The following ANKRD30B variants were observed in gnomAD, a reference collection of about 807,000 sequenced individuals.
The protein encoded by ANKRD30B is ankyrin repeat domain 30B, also known as ankyrin repeat domain-containing protein 30B.
A neutral mutation model predicts 202.2 loss-of-function variants in ANKRD30B; 144 were observed. That is an observed-to-expected ratio of 0.71 (90% CI 0.62 to 0.82). ANKRD30B has a LOEUF of 0.82. Ranked by LOEUF, ANKRD30B falls within the 40% of genes least tolerant of loss-of-function variation. The pLI is 0.00. For missense variants in ANKRD30B, 1,487 were observed against 1,669.1 expected (o/e 0.89, Z 1.90); for synonymous variants, 508 against 561.3 (o/e 0.91, Z 1.34).
intron 5 of ANKRD30B, among the ~76,000 whole-genome samples, chr18:14,759,004 C>T (rs1340639263): frequency 2.6e-5 from 4 of 152,248 alleles, no homozygotes; most frequent in African/African-American, 9.6e-5. Flanking sequence ...ATTCCCTTTT[C>T]CTGAAAGTAA....
intron 9 of ANKRD30B, among the ~76,000 whole-genome samples, chr18:14,772,853 A>G (rs989855891): frequency 1.3e-5 from 2 of 152,018 alleles, no homozygotes; most frequent in African/African-American, 4.8e-5. Flanking sequence ...ATGGTGGTGC[A>G]TGCCTGTAGT....
chr18:14,920,045 C>G, the ANKRD30B span, among the ~76,000 whole-genome samples: 2 of 152,214 alleles, frequency 1.3e-5, no homozygotes, highest in African/African-American at 2.4e-5. Context: ...GAAGGCAAAT[C>G]AGCTGAGGCC....
At chr18:14,875,431 A>C in the ANKRD30B span, among the ~76,000 whole-genome samples, 1 of 152,174 alleles carries the variant, frequency 6.6e-6, no homozygotes, top group Non-Finnish European at 1.5e-5. Flanking sequence ...ATGTTCAGAA[A>C]GTGAAGGGGC....
At chr18:14,815,965 A>G (rs181345650) in intron 30 of ANKRD30B, among the ~76,000 whole-genome samples, 380 of 152,330 alleles carry the variant, frequency 2.5e-3, no homozygotes, top group South Asian at 4.6e-3. Context: ...CTAAGTATAT[A>G]TCCAAGCTGA....
chr18:14,795,821 A>G (rs1168108954), intron 16 of ANKRD30B, among the ~76,000 whole-genome samples: 1 of 151,724 alleles, frequency 6.6e-6, no homozygotes, highest in African/African-American at 2.4e-5. Context: ...CCTTAACAAT[A>G]TGCCATAGCA....
chr18:14,765,729 A>G (rs1417896779), intron 7 of ANKRD30B, among the ~76,000 whole-genome samples: 1 of 152,012 alleles, frequency 6.6e-6, no homozygotes, highest in Non-Finnish European at 1.5e-5. Context: ...AAGCTTTTGT[A>G]GTAGTTCATG....
the ANKRD30B span, among the ~76,000 whole-genome samples, chr18:14,934,461 T>C: frequency 1.3e-5 from 2 of 152,210 alleles, no homozygotes; most frequent in Non-Finnish European, 2.9e-5. Flanking sequence ...CTGCTCCTCC[T>C]TCCTGTTTCC....
the ANKRD30B span, among the ~76,000 whole-genome samples, chr18:14,889,375 C>T: frequency 2.0e-5 from 3 of 152,102 alleles, no homozygotes; most frequent in African/African-American, 7.2e-5. Flanking sequence ...TTTGTTTGTT[C>T]ATCCATGCAA....
chr18:14,821,854 A>C (rs980278848), intron 30 of ANKRD30B, among the ~76,000 whole-genome samples: 9 of 152,260 alleles, frequency 5.9e-5, no homozygotes, highest in African/African-American at 2.2e-4. Context: ...AAATATAAAA[A>C]TACTCGTATT....
rs1334991712 is a variant in ANKRD30B at position 14,791,490 on chromosome 18, AG to A, written c.1825+1del. 6.2e-7 allele frequency: 1 copy of A among 1,604,326 alleles called. No individual in the cohort carries two copies. Among genetic ancestry groups the A allele is most frequent in the Non-Finnish European group, 8.5e-7 (1 of 1,175,548 alleles). ...EFDTLSGKLE[E>X]SPVKDGLLKP... is the part of the protein sequence containing the mutation. ...TCGATACCTTAAGTGGAAAATTAGA[AG>A]GTAAGAACCATTTTTTAATTAAAAA... On this transcript the variant is annotated frameshift_variant and splice_region_variant, in exon 16 of 44. Coordinates refer to ENST00000690538, the MANE Select transcript of ANKRD30B (RefSeq NM_001367607.2). LOFTEE classifies it high-confidence loss of function.
Position 14,848,698 on chromosome 18 carries a change from A to C in ANKRD30B, c.3182-18A>C, listed in dbSNP as rs764669345. ...AAAAGTACTAATATATTTTATTTCT[A>C]TCTCCTCCTTGAGACAGATTCAACT... On this transcript the variant is annotated intron_variant, in intron 39 of 43. Coordinates refer to ENST00000690538, the MANE Select transcript of ANKRD30B (RefSeq NM_001367607.2). The C allele has an allele frequency of 6.7e-5, 98 of 1,472,820 alleles. 1 individual carries two copies. In the South Asian group the frequency reaches 9.6e-4, roughly 14 times the overall value. The allele number at this position is 1,472,820 out of a possible 1,614,324, so 91.2% of individuals were successfully genotyped here.
At chr18:14,790,200 T>C (rs1481547972) in intron 15 of ANKRD30B, among the ~76,000 whole-genome samples, 1 of 152,168 alleles carries the variant, frequency 6.6e-6, no homozygotes, top group Non-Finnish European at 1.5e-5. Context: ...TTGTCTGTTA[T>C]TGGTGTGTAA....
intron 32 of ANKRD30B, among the ~76,000 whole-genome samples, chr18:14,823,596 C>A (rs958674083): frequency 2.0e-5 from 3 of 151,992 alleles, no homozygotes; most frequent in Admixed American, 6.6e-5. Context: ...GCCTTAGTAT[C>A]TTTTTATGCT....
chr18:14,782,180 T>C (rs943432586), intron 11 of ANKRD30B, among the ~76,000 whole-genome samples: 33 of 152,214 alleles, frequency 2.2e-4, no homozygotes, highest in African/African-American at 8.0e-4. Flanking sequence ...TGTATTGTAT[T>C]TTGTTTGATG....
At chr18:14,888,915 C>T in the ANKRD30B span, 2 of 1,052,790 alleles carry the variant, frequency 1.9e-6, no homozygotes, top group Admixed American at 2.4e-5. Context: ...AACAAACAAA[C>T]AAACAAACAA....
rs542528360 is a variant in ANKRD30B, at chr18:14,757,864, A to G, written c.667A>G (p.Met223Val). The G allele has an allele frequency of 6.2e-7, 1 of 1,613,876 alleles. No individual in the cohort carries two copies. The highest frequency in any genetic ancestry group is 8.5e-7 in the Non-Finnish European group (1 of 1,179,918). Residue 223 changes from methionine to valine, a missense_variant, in exon 5 of 44, where the codon ATG (methionine) becomes GTG (valine). Transcript: ENST00000690538. ...TGAAGGCTCATCAGAGATAGTCGGC[A>G]TGCTTCTTCAGCAAAATGTTGACGT... ...ICEGSSEIVG[M>V]LLQQNVDVFA... is the part of the protein sequence containing the mutation.
chr18:14,749,708 G>C (rs148512567), intron 1 of ANKRD30B, among the ~76,000 whole-genome samples: 5,817 of 134,680 alleles, frequency 0.043, 459 homozygotes, highest in African/African-American at 0.15. Flanking sequence ...AAAAATCACA[G>C]ATTGTTTGCT....
At chr18:14,877,204 T>A in the ANKRD30B span, among the ~76,000 whole-genome samples, 6 of 152,396 alleles carry the variant, frequency 3.9e-5, no homozygotes, top group South Asian at 8.3e-4. Context: ...TTCCACTTAC[T>A]CTGCACCTTG....
chr18:14,867,464 C>T, the ANKRD30B span, among the ~76,000 whole-genome samples: 15 of 152,008 alleles, frequency 9.9e-5, no homozygotes, highest in South Asian at 2.1e-4. Context: ...AACTTCTGCT[C>T]GTGTTGGAGC....
Sources: allele counts gnomAD v4.1 joint callset (sites outside exome capture counted in the v4.1 genomes callset), GRCh38; gene constraint gnomAD v4.1.1; transcripts MANE v1.5; gene names NCBI Gene and HGNC (gene_info 2026-07-23, HGNC 2026-07-21).